PDE11A: variants seen among roughly 807,000 people sequenced by gnomAD.
PDE11A encodes phosphodiesterase 11A.
A neutral mutation model predicts 100.5 loss-of-function variants in PDE11A; 100 were observed. The ratio of observed to expected loss-of-function variants is 1.00; its 90% confidence interval spans 0.85 to 1.18. The LOEUF (loss-of-function observed/expected upper bound fraction) is 1.18, where lower values mean the gene tolerates loss of function less well. Ranked by LOEUF, PDE11A falls within the 50% of genes most tolerant of loss-of-function variation. PDE11A has a pLI of 0.00. For synonymous variants in PDE11A, 381 were observed against 420.8 expected (o/e 0.91, Z 1.16); for missense variants, 1,141 against 1,152.6 (o/e 0.99, Z 0.15).
At chr2:177,969,959 C>T (rs1243321012) in intron 2 of PDE11A, among the ~76,000 whole-genome samples, 1 of 152,108 alleles carries the variant, frequency 6.6e-6, no homozygotes, top group Admixed American at 6.6e-5. Context: ...AATGATAATT[C>T]TATCCAAGAA....
intron 6 of PDE11A, among the ~76,000 whole-genome samples, chr2:177,829,588 C>T (rs1186889292): frequency 8.7e-5 from 13 of 149,912 alleles, no homozygotes; most frequent in African/African-American, 2.7e-4. Flanking sequence ...GGACTACAGG[C>T]GTGTGCCACC....
intron 1 of PDE11A, among the ~76,000 whole-genome samples, chr2:178,055,352 TG>T (rs1262814528): frequency 2.4e-5 from 1 of 41,812 alleles, no homozygotes; most frequent in African/African-American, 9.0e-5. Flanking sequence ...TGTCATGGGG[TG>T]GGGGGGAGGG....
chr2:177,733,029 T>A (rs868809261), intron 10 of PDE11A, among the ~76,000 whole-genome samples: 1 of 152,208 alleles, frequency 6.6e-6, no homozygotes, highest in African/African-American at 2.4e-5. Context: ...TAGCCTTCCA[T>A]TGACAAATTC....
At chr2:177,726,080 G>A (rs1423140000) in intron 12 of PDE11A, among the ~76,000 whole-genome samples, 2 of 149,364 alleles carry the variant, frequency 1.3e-5, no homozygotes, top group East Asian at 3.8e-4. Context: ...AAAACAAAAT[G>A]AAGATTTTTT....
intron 10 of PDE11A, among the ~76,000 whole-genome samples, chr2:177,753,075 T>G (rs2082045805): frequency 6.6e-6 from 1 of 152,172 alleles, no homozygotes; most frequent in Non-Finnish European, 1.5e-5. Flanking sequence ...CTCTTACAAA[T>G]CAAACTGTTT....
intron 9 of PDE11A, among the ~76,000 whole-genome samples, chr2:177,789,521 G>T (rs2082594826): frequency 6.6e-6 from 1 of 151,578 alleles, no homozygotes; most frequent in Admixed American, 6.6e-5. Context: ...TCAACATAGT[G>T]TTGGAAGTTC....
chr2:177,642,170 T>A (rs1238264474), intron 19 of PDE11A, among the ~76,000 whole-genome samples: 1 of 152,246 alleles, frequency 6.6e-6, no homozygotes, highest in Non-Finnish European at 1.5e-5. Flanking sequence ...TCTTCAGGAA[T>A]ATCTCATTAG....
chr2:177,950,970 T>C (rs1351734248), intron 2 of PDE11A, among the ~76,000 whole-genome samples: 1 of 152,190 alleles, frequency 6.6e-6, no homozygotes, highest in East Asian at 1.9e-4. Flanking sequence ...AGGGTAGGTA[T>C]TAATATTCTG....
intron 1 of PDE11A, among the ~76,000 whole-genome samples, chr2:178,020,523 G>A (rs2105832516): frequency 6.6e-6 from 1 of 152,322 alleles, no homozygotes; most frequent in Non-Finnish European, 1.5e-5. Context: ...CTGGAGCAGT[G>A]CTTCATGCCT....
chr2:178,081,466 A>G (rs2087284670), intron 2 of PDE11A, among the ~76,000 whole-genome samples: 1 of 152,264 alleles, frequency 6.6e-6, no homozygotes, highest in African/African-American at 2.4e-5. Context: ...GAATTTGGTT[A>G]ATTTCAGTCT....
intron 10 of PDE11A, among the ~76,000 whole-genome samples, chr2:177,744,962 C>T (rs1183493210): frequency 6.6e-6 from 1 of 152,308 alleles, no homozygotes; most frequent in Middle Eastern, 3.4e-3. Flanking sequence ...CACAGCCAAC[C>T]CATCGCTCAA....
chr2:177,972,324 C>T (rs1429455013), intron 2 of PDE11A, among the ~76,000 whole-genome samples: 1 of 152,162 alleles, frequency 6.6e-6, no homozygotes, highest in East Asian at 1.9e-4. Context: ...CAAACAGTAT[C>T]AGTTATTGCT....
chr2:178,029,116 T>C (rs1289757426), intron 1 of PDE11A, among the ~76,000 whole-genome samples: 1 of 152,162 alleles, frequency 6.6e-6, no homozygotes, highest in Non-Finnish European at 1.5e-5. Flanking sequence ...AAGCCACCCA[T>C]CAGCATGCTC....
At chr2:177,744,253 C>G (rs183515710) in intron 10 of PDE11A, among the ~76,000 whole-genome samples, 32 of 151,858 alleles carry the variant, frequency 2.1e-4, no homozygotes, top group African/African-American at 7.7e-4. Context: ...GCTCTAGTGA[C>G]CTTGCAGGGT....
chr2:177,873,505 C>G (rs1264129504), intron 5 of PDE11A, among the ~76,000 whole-genome samples: 1 of 152,118 alleles, frequency 6.6e-6, no homozygotes, highest in Non-Finnish European at 1.5e-5. Flanking sequence ...CCAAAGACCT[C>G]TTTTTCCCAT....
chr2:177,763,634 G>A (rs927293154), intron 10 of PDE11A, among the ~76,000 whole-genome samples: 3 of 152,148 alleles, frequency 2.0e-5, no homozygotes, highest in Non-Finnish European at 4.4e-5. Context: ...CTGCCACCCC[G>A]CTGCTGTCCA....
chr2:177,938,253 GT>G (rs1370580188), intron 2 of PDE11A, among the ~76,000 whole-genome samples: 2 of 152,136 alleles, frequency 1.3e-5, no homozygotes, highest in Non-Finnish European at 2.9e-5. Context: ...TGAGCTTAGG[GT>G]TTCTTAAAAG....
intron 5 of PDE11A, among the ~76,000 whole-genome samples, chr2:177,864,823 G>A (rs1024059720): frequency 3.3e-5 from 5 of 152,126 alleles, no homozygotes; most frequent in Non-Finnish European, 4.4e-5. Flanking sequence ...TTGTACACAC[G>A]AGGGATGCCA....
chr2:177,680,262 A>G (rs1466945423), intron 16 of PDE11A, among the ~76,000 whole-genome samples: 1 of 152,090 alleles, frequency 6.6e-6, no homozygotes, highest in African/African-American at 2.4e-5. Flanking sequence ...TGAGAGAAAG[A>G]GGAATAGTGC....
Sources: gnomAD v4.1 joint callset for allele counts (sites outside exome capture counted in the v4.1 genomes callset) on GRCh38, gnomAD v4.1.1 for gene constraint, MANE v1.5 for transcripts, NCBI Gene and HGNC (gene_info 2026-07-23, HGNC 2026-07-21) for gene names.